PPP1R12B: variants seen among roughly 807,000 people sequenced by gnomAD.
The protein encoded by PPP1R12B is protein phosphatase 1 regulatory subunit 12B.
PPP1R12B carries 76 observed loss-of-function variants against 126.1 expected under a neutral mutation model. That is an observed-to-expected ratio of 0.60 (90% CI 0.50 to 0.73). The LOEUF (loss-of-function observed/expected upper bound fraction) is 0.73. Among genes scored for constraint, PPP1R12B ranks in the 30% least tolerant of loss-of-function variants. PPP1R12B has a pLI of 0.00. For missense variants in PPP1R12B, 1,052 were observed against 1,205.1 expected (o/e 0.87, Z 1.88); for synonymous variants, 356 against 434.7 (o/e 0.82, Z 2.25).
intron 1 of PPP1R12B, among the ~76,000 whole-genome samples, chr1:202,412,239 A>G (rs988197778): frequency 2.0e-5 from 3 of 152,196 alleles, no homozygotes; most frequent in Admixed American, 1.3e-4. Flanking sequence ...TTTTGAGCCC[A>G]AGAGTTAATG....
At chr1:202,470,744 G>C (rs1368298752) in intron 13 of PPP1R12B, among the ~76,000 whole-genome samples, 1 of 150,850 alleles carries the variant, frequency 6.6e-6, no homozygotes, top group African/African-American at 2.4e-5. Context: ...GAATTATAAA[G>C]AAAAAAAAAT....
chr1:202,555,325 G>GAAAAAAAAAAAAAAAAAAAAA lies in PPP1R12B; in HGVS notation c.2491-3544_2491-3524dup, dbSNP rs56752885. Among the ~76,000 whole-genome samples the GAAAAAAAAAAAAAAAAAAAAA allele has an allele frequency of 1.2e-4, 3 of 25,340 alleles. 1 individual carries two copies. Among genetic ancestry groups the GAAAAAAAAAAAAAAAAAAAAA allele is most frequent in the Non-Finnish European group, 2.0e-4 (3 of 15,300 alleles). The allele number at this position is 25,340 out of a possible 152,430, so 16.6% of individuals were successfully genotyped here. Reference sequence around the variant, plus strand: ...AAAACCCTAATTTTCCTGTTTTAATGAAAAAAAAAAAAAAAAAAAAAAAAA... The same window carrying GAAAAAAAAAAAAAAAAAAAAA: ...AAAACCCTAATTTTCCTGTTTTAATGAAAAAAAAAAAAAAAAAAAAAAAAAAAAAAAAAAAAAAAAAAAAAA... On this transcript the variant is annotated intron_variant, in intron 18 of 23. Transcript: ENST00000608999.
At chr1:202,470,187 A>G (rs2148787371) in intron 13 of PPP1R12B, among the ~76,000 whole-genome samples, 1 of 152,296 alleles carries the variant, frequency 6.6e-6, no homozygotes, top group Non-Finnish European at 1.5e-5. Flanking sequence ...CTACTTACGC[A>G]AGCTAGAACT....
chr1:202,450,744 A>G (rs1168976215), intron 13 of PPP1R12B, among the ~76,000 whole-genome samples: 3 of 152,212 alleles, frequency 2.0e-5, no homozygotes, highest in Non-Finnish European at 4.4e-5. Flanking sequence ...TGTCAGCACT[A>G]TGCTATTTTG....
At chr1:202,373,850 T>C (rs917013826) in intron 1 of PPP1R12B, among the ~76,000 whole-genome samples, 33 of 152,150 alleles carry the variant, frequency 2.2e-4, no homozygotes, top group African/African-American at 7.2e-4. Context: ...TATAACTTAA[T>C]AGATTTTTGT....
intron 18 of PPP1R12B, among the ~76,000 whole-genome samples, chr1:202,523,363 T>C (rs1682977166): frequency 6.6e-6 from 1 of 152,200 alleles, no homozygotes. Flanking sequence ...ATGGAGAAAG[T>C]ACAGGTTGTA....
intron 21 of PPP1R12B, 124 bp from the exon 22 acceptor site, chr1:202,567,654 T>G (rs955588844): frequency 1.0e-6 from 1 of 956,790 alleles, no homozygotes; most frequent in Admixed American, 2.3e-5. Flanking sequence ...ATCCCTGCTA[T>G]AGGGGAAGTC....
Position 202,428,859 on chromosome 1 carries a change from A to T in PPP1R12B, c.851A>T (p.Gln284Leu), listed in dbSNP as rs1419373646. Reference sequence around the variant, plus strand: ...GGTGCTCCTTTTCTCTGCCAGGGCCAGACACCATTTGATGTGGCTGATGAG... The same window carrying T: ...GGTGCTCCTTTTCTCTGCCAGGGCCTGACACCATTTGATGTGGCTGATGAG... ...CDMDIRNKLG[Q>L]TPFDVADEGL... Residue 284 changes from glutamine to leucine, a missense_variant, in exon 6 of 24, where the codon CAG (glutamine) becomes CTG (leucine). Physicochemically the swap from Gln to Leu is moderately radical, Grantham distance 113. Transcript: ENST00000608999. 5.0e-6 allele frequency: 8 copies of T among 1,606,370 alleles called. No homozygotes were observed. The highest frequency in any genetic ancestry group is 2.7e-5 in the African/African-American group (2 of 74,520).
intron 23 of PPP1R12B, among the ~76,000 whole-genome samples, chr1:202,573,242 A>T (rs1023680313): frequency 2.6e-5 from 4 of 152,110 alleles, no homozygotes; most frequent in African/African-American, 9.7e-5. Context: ...CAAGATGCTT[A>T]CAGTGGGCAA....
At chr1:202,385,144 C>G (rs186673331) in intron 1 of PPP1R12B, among the ~76,000 whole-genome samples, 153 of 152,272 alleles carry the variant, frequency 1.0e-3, no homozygotes, top group African/African-American at 3.4e-3. Context: ...TGTGCATGAC[C>G]AACTTCATAT....
At chr1:202,569,748 C>T (rs769570672) in intron 23 of PPP1R12B, among the ~76,000 whole-genome samples, 8 of 152,200 alleles carry the variant, frequency 5.3e-5, no homozygotes, top group Non-Finnish European at 7.3e-5. Flanking sequence ...TGGCACTCTC[C>T]CACTAGAATA....
At chr1:202,533,496 T>G (rs1172697032) in intron 18 of PPP1R12B, among the ~76,000 whole-genome samples, 1 of 152,048 alleles carries the variant, frequency 6.6e-6, no homozygotes, top group African/African-American at 2.4e-5. Context: ...GTTTTGTTTT[T>G]TTGGTAGAGA....
intron 1 of PPP1R12B, among the ~76,000 whole-genome samples, chr1:202,362,683 A>G (rs1571586652): frequency 6.6e-6 from 1 of 151,714 alleles, no homozygotes; most frequent in East Asian, 1.9e-4. Context: ...TAATAAGGAA[A>G]TAACTTTGAA....
At position 202,422,710 on chromosome 1, in the gene PPP1R12B, T is replaced by G; in HGVS notation, c.513T>G (p.Asp171Glu). 3 of 1,613,730 alleles carry G rather than the reference T, an allele frequency of 1.9e-6. No individual in the cohort carries two copies. The highest frequency in any genetic ancestry group is 2.5e-6 in the Non-Finnish European group (3 of 1,179,710). The change falls in exon 3 of 24, where the codon GAT becomes GAG. Residue 171 changes from aspartate (D) to glutamate (E), a missense_variant. Asp to Glu is a conservative substitution (Grantham distance 45, BLOSUM62 2). Transcript: ENST00000608999. ...TTGCAGAAGAGCCAGCCATGAAGGA[T>G]CTTCTTCTGGAGCAAGTAAAGAAGC... ...SDLAEEPAMK[D>E]LLLEQVKKQG...
At chr1:202,367,045 T>C (rs1010178976) in intron 1 of PPP1R12B, among the ~76,000 whole-genome samples, 4 of 152,168 alleles carry the variant, frequency 2.6e-5, no homozygotes, top group Non-Finnish European at 4.4e-5. Context: ...ATGAATTAAA[T>C]ATAACTTTAC....
chr1:202,567,727 C>T (rs546650238), intron 21 of PPP1R12B, 51 bp from the exon 22 acceptor site: 15 of 1,586,196 alleles, frequency 9.5e-6, no homozygotes, highest in East Asian at 8.9e-5. Context: ...GGGCGTTCTA[C>T]TGGCCCTTAG....
chr1:202,512,519 C>T (rs546156584), intron 18 of PPP1R12B, among the ~76,000 whole-genome samples: 2 of 152,226 alleles, frequency 1.3e-5, no homozygotes, highest in African/African-American at 4.8e-5. Context: ...GCTGGGTGGT[C>T]TTGGAAAAGT....
chr1:202,351,068 G>T (rs771193360), intron 1 of PPP1R12B, among the ~76,000 whole-genome samples: 2 of 151,994 alleles, frequency 1.3e-5, no homozygotes, highest in South Asian at 4.1e-4. Flanking sequence ...GACAAATTCA[G>T]CTAAAAATTA....
chr1:202,548,561 G>A (rs1685896264), intron 18 of PPP1R12B, among the ~76,000 whole-genome samples: 1 of 151,904 alleles, frequency 6.6e-6, no homozygotes. Flanking sequence ...CCAACCTCAA[G>A]TGATCCTCCT....
Sources: allele counts gnomAD v4.1 joint callset (sites outside exome capture counted in the v4.1 genomes callset), GRCh38; gene constraint gnomAD v4.1.1; transcripts MANE v1.5; gene names NCBI Gene and HGNC (gene_info 2026-07-23, HGNC 2026-07-21).